Variants in ZFR2 observed in about 807,000 individuals in gnomAD.
ZFR2 encodes the protein zinc finger RNA binding protein 2.
In ZFR2, 104 loss-of-function variants were observed where a neutral mutation model predicts 105.7. That is an observed-to-expected ratio of 0.98 (90% CI 0.84 to 1.16). ZFR2 has a LOEUF of 1.16. Ranked by LOEUF, ZFR2 falls within the 50% of genes most tolerant of loss-of-function variation. The pLI is 0.00. For missense variants in ZFR2, 1,425 were observed against 1,355.5 expected, an observed-to-expected ratio of 1.05 and a Z score of -0.80; for synonymous variants, 634 against 597.7, an observed-to-expected ratio of 1.06 and a Z score of -0.89.
At chr19:3,851,458 A>ATGCATGCACACACACG (rs1416293763) in intron 1 of ZFR2, among the ~76,000 whole-genome samples, 2 of 152,152 alleles carry the variant, frequency 1.3e-5, no homozygotes, top group Admixed American at 6.5e-5. Flanking sequence ...AAACATGCAA[A>ATGCATGCACACACACG]TGCATGCACA....
chr19:3,811,599 T>C (rs1466493851), intron 14 of ZFR2, among the ~76,000 whole-genome samples: 6 of 146,136 alleles, frequency 4.1e-5, no homozygotes, highest in Non-Finnish European at 6.0e-5. Context: ...GGATTACAGG[T>C]GCCCGCCACC....
Position 3,823,522 on chromosome 19 carries a change from C to A in ZFR2, c.1214-119G>T, listed in dbSNP as rs1320170200. 5.8e-6 allele frequency: 6 copies of A among 1,037,710 alleles called. No individual in the cohort carries two copies. The highest frequency in any genetic ancestry group is 8.2e-6 in the Non-Finnish European group (6 of 731,462). The allele number at this position is 1,037,710 out of a possible 1,614,324, so 64.3% of individuals were successfully genotyped here. On this transcript the variant is annotated intron_variant, in intron 7 of 18. Coordinates refer to ENST00000262961, the MANE Select transcript of ZFR2 (RefSeq NM_015174.2). This position sits in a 1 kb window ranked among gnomAD's most constrained non-coding sequence, Gnocchi z 5.4. ...GACTGCAGGCTGTGCCATCCCCCTC[C>A]CTCCTGTGATGTCAGGGGGAATGGC...
chr19:3,806,011 C>A lies in ZFR2; in HGVS notation c.2758G>T (p.Glu920Ter). 1 of 1,547,638 alleles carries A rather than the reference C, an allele frequency of 6.5e-7. No homozygotes were observed. The highest frequency in any genetic ancestry group is 8.7e-7 in the Non-Finnish European group (1 of 1,148,102). The stretch of plus-strand genomic sequence containing the variant: ...TTCTCCCCTGCGCCCTCCTCTCCCT[C>A]GCCAGGTCCCCGTTGCCTCTTCCGG... Reference protein sequence around the residue: ...RFRKRQRGPGEGEEGAGEKKR... With the variant: ...RFRKRQRGPG Residue 920 changes from glutamate (E) to a stop codon, truncating the protein, a stop_gained, in exon 19 of 19, where the codon GAG becomes TAG. Transcript: ENST00000262961. LOFTEE classifies it low-confidence loss of function (END_TRUNC).
intron 11 of ZFR2, among the ~76,000 whole-genome samples, chr19:3,819,887 G>A (rs530547454): frequency 6.8e-6 from 1 of 146,800 alleles, no homozygotes; most frequent in East Asian, 2.1e-4. Flanking sequence ...CTGGGGGCTC[G>A]GGCTGCGGGG....
intron 10 of ZFR2, among the ~76,000 whole-genome samples, 167 bp downstream of exon 10, chr19:3,821,173 T>C (rs1020576562): frequency 6.6e-6 from 1 of 152,006 alleles, no homozygotes; most frequent in Non-Finnish European, 1.5e-5. Flanking sequence ...TGGAACCCTC[T>C]CACGCTCCCA....
intron 5 of ZFR2, among the ~76,000 whole-genome samples, chr19:3,829,693 T>G (rs2037990543): frequency 6.6e-6 from 1 of 152,086 alleles, no homozygotes; most frequent in Non-Finnish European, 1.5e-5. Context: ...TTAAATTTTT[T>G]TTAGAGACAG....
intron 14 of ZFR2, among the ~76,000 whole-genome samples, chr19:3,811,708 G>A (rs2037767040): frequency 6.6e-6 from 1 of 152,048 alleles, no homozygotes; most frequent in Admixed American, 6.6e-5. Context: ...TCCCACCTCA[G>A]CCTCCCAAAG....
Position 3,831,829 on chromosome 19 carries a change from G to T in ZFR2, c.429C>A (p.His143Gln). Residue 143 changes from histidine (H) to glutamine (Q), a missense_variant, in exon 4 of 19, where the codon CAC (histidine) becomes CAA (glutamine). Transcript: ENST00000262961. ...TGGGCGCCTGCTGTGGGGGCTGAGC[G>T]TGGCTGTGACTGCCATGGGGGCTGG... ...GQPSPHGSHS[H>Q]AQPPQQAPIV... 2 of 1,606,258 alleles carry T rather than the reference G, an allele frequency of 1.2e-6. No individual in the cohort carries two copies. Among genetic ancestry groups the T allele is most frequent in the Non-Finnish European group, 1.7e-6 (2 of 1,178,654 alleles).
intron 1 of ZFR2, among the ~76,000 whole-genome samples, chr19:3,839,899 G>A (rs1259050769): frequency 6.6e-6 from 1 of 152,102 alleles, no homozygotes; most frequent in Non-Finnish European, 1.5e-5. Context: ...GCCCAGGCTG[G>A]ATGGAGTGCA....
intron 17 of ZFR2, among the ~76,000 whole-genome samples, chr19:3,807,884 T>C (rs1014489759): frequency 2.7e-5 from 4 of 149,716 alleles, no homozygotes; most frequent in African/African-American, 9.9e-5. Flanking sequence ...TGTGTGTGCA[T>C]GTGTGCCCGT....
rs762359851 is a variant in ZFR2 at position 3,853,284 on chromosome 19, C to T, written c.53+15681G>A. 2.5e-4 allele frequency among the ~76,000 whole-genome samples: 38 copies of T among 152,280 alleles called. 1 individual carries two copies. The highest frequency in any genetic ancestry group is 3.4e-3 in the Middle Eastern group (1 of 294). ...CCCGGGTTCCCAGCGTGGGCGGTCA[C>T]GCTGACTCCCCCTTGCCTTCTCACA... On this transcript the variant is annotated intron_variant, in intron 1 of 18. Coordinates refer to ENST00000262961, the MANE Select transcript of ZFR2 (RefSeq NM_015174.2).
intron 1 of ZFR2, among the ~76,000 whole-genome samples, chr19:3,853,838 G>A (rs541795298): frequency 3.2e-4 from 49 of 152,204 alleles, no homozygotes; most frequent in African/African-American, 1.1e-3. Context: ...GGAGGCCAAG[G>A]CAGGAGGATA....
chr19:3,824,224 C>T (rs2037925548), intron 7 of ZFR2, among the ~76,000 whole-genome samples: 1 of 152,130 alleles, frequency 6.6e-6, no homozygotes, highest in Non-Finnish European at 1.5e-5. Flanking sequence ...CGCTTGAGCC[C>T]AGGAGGTGGA....
intron 1 of ZFR2, chr19:3,852,379 G>C (rs1486789428): frequency 1.5e-6 from 1 of 670,350 alleles, no homozygotes; most frequent in Non-Finnish European, 2.8e-6. Context: ...GCCCCTGGAG[G>C]GCAGCTACCT....
At chr19:3,841,659 T>C (rs1399093545) in intron 1 of ZFR2, among the ~76,000 whole-genome samples, 1 of 151,802 alleles carries the variant, frequency 6.6e-6, no homozygotes, top group African/African-American at 2.4e-5. Context: ...ATTAAAAAAA[T>C]TAGCTGGGTG....
chr19:3,808,897 G>A lies in ZFR2; in HGVS notation c.2520C>T (p.Cys840=), dbSNP rs567965403. Residue 840 remains cysteine (C), a synonymous_variant, in exon 17 of 19, where the codon TGC becomes TGT. Coordinates refer to ENST00000262961, the MANE Select transcript of ZFR2 (RefSeq NM_015174.2). The part of the protein sequence containing the change: ...PGDAVRRVLE[C]VATGTLLTDG... ...CTGTCAGGAGCGTCCCTGTGGCCAC[G>A]CACTCCAGGACTCGCCTGACTGCAT... 2.2e-5 allele frequency: 35 copies of A among 1,558,808 alleles called. No individual in the cohort carries two copies. Among genetic ancestry groups the A allele is most frequent in the Middle Eastern group, 1.7e-4 (1 of 6,024 alleles).
intron 1 of ZFR2, among the ~76,000 whole-genome samples, chr19:3,861,844 T>TAA (rs1355369836): frequency 6.6e-6 from 1 of 152,014 alleles, no homozygotes; most frequent in Non-Finnish European, 1.5e-5. Context: ...GAGGATTGCT[T>TAA]AAACTCGTGA....
At chr19:3,867,285 C>T (rs760464209) in intron 1 of ZFR2, among the ~76,000 whole-genome samples, 7 of 122,760 alleles carry the variant, frequency 5.7e-5, no homozygotes, top group African/African-American at 2.4e-4. Context: ...AAGGGTGACA[C>T]GCGGAAATGA....
chr19:3,809,560 C>T (rs2037738914), intron 16 of ZFR2, among the ~76,000 whole-genome samples: 1 of 152,208 alleles, frequency 6.6e-6, no homozygotes, highest in South Asian at 2.1e-4. Flanking sequence ...CACAGGCTTT[C>T]TCCACGTCAG....
Sources: allele counts gnomAD v4.1 joint callset (sites outside exome capture counted in the v4.1 genomes callset), GRCh38; gene constraint gnomAD v4.1.1; non-coding constraint Gnocchi (gnomAD v3.1); transcripts MANE v1.5; gene names NCBI Gene and HGNC (gene_info 2026-07-23, HGNC 2026-07-21).